KLHL6: variants seen among roughly 807,000 people sequenced by gnomAD.
The protein encoded by KLHL6 is kelch like family member 6.
A neutral mutation model predicts 58.6 loss-of-function variants in KLHL6; 41 were observed. The ratio of observed to expected loss-of-function variants is 0.70; its 90% confidence interval spans 0.55 to 0.91. The LOEUF (loss-of-function observed/expected upper bound fraction) is 0.91, where lower values mean the gene tolerates loss of function less well. Ranked by LOEUF, KLHL6 falls within the 40% of genes least tolerant of loss-of-function variation. The pLI, the probability that KLHL6 is intolerant of heterozygous loss-of-function variation, is 0.00. For missense variants in KLHL6, 714 were observed against 805.6 expected (o/e 0.89, Z 1.38); for synonymous variants, 338 against 322.7 (o/e 1.05, Z -0.51).
chr3:183,510,691 A>G (rs1007832058), intron 2 of KLHL6, among the ~76,000 whole-genome samples: 5 of 152,142 alleles, frequency 3.3e-5, no homozygotes, highest in Non-Finnish European at 5.9e-5. Context: ...CCTGACCAAC[A>G]TGGAGATACC....
At chr3:183,544,306 T>C (rs1195054345) in intron 1 of KLHL6, among the ~76,000 whole-genome samples, 1 of 151,900 alleles carries the variant, frequency 6.6e-6, no homozygotes, top group Non-Finnish European at 1.5e-5. Flanking sequence ...GTTGCCTAAG[T>C]GATACTTTTT....
chr3:183,547,342 G>T (rs1476130397), intron 1 of KLHL6, among the ~76,000 whole-genome samples: 1 of 152,186 alleles, frequency 6.6e-6, no homozygotes, highest in African/African-American at 2.4e-5. Context: ...AAAGAATTCT[G>T]AATGGCAAAG....
rs1195054912 is a variant in KLHL6, at chr3:183,527,948, T to A, written c.356A>T (p.Asp119Val). Residue 119 changes from aspartate (D) to valine (V), a missense_variant, in exon 2 of 7, where the codon GAT becomes GTT. Asp to Val is a radical substitution (Grantham distance 152). Around this residue, in one of 2 missense-constraint regions of KLHL6, gnomAD observed 204 missense variants for 175.9 expected, o/e 1.16. Coordinates refer to ENST00000341319, the MANE Select transcript of KLHL6 (RefSeq NM_130446.4). ...YEKRIIIKGV[D>V]AETMHTLLDY... ...CAACAGAGTGTGCATGGTCTCAGCA[T>A]CAACCCCTTTAATAATGATCCTTTT... 1.2e-6 allele frequency: 2 copies of A among 1,614,038 alleles called. No homozygotes were observed. The highest frequency in any genetic ancestry group is 1.7e-6 in the Non-Finnish European group (2 of 1,179,970).
At chr3:183,494,960 G>T (rs1717675180) in intron 4 of KLHL6, among the ~76,000 whole-genome samples, 1 of 152,198 alleles carries the variant, frequency 6.6e-6, no homozygotes, top group Non-Finnish European at 1.5e-5. Flanking sequence ...AAATTCAGCA[G>T]CTGGGGAAAG....
Position 183,505,392 on chromosome 3 carries a change from A to G in KLHL6, c.909+2667T>C, listed in dbSNP as rs1344982928. On this transcript the variant is annotated intron_variant, in intron 3 of 6. Transcript: ENST00000341319. ...TAAATACATGGGATGCTGTTTAAGT[A>G]GTTTTTAGGGGGAAATTTATAGCAT... 2.0e-5 allele frequency among the ~76,000 whole-genome samples: 3 copies of G among 152,260 alleles called. No individual in the cohort carries two copies. The East Asian group carries it at 5.8e-4, about 29-fold the overall frequency.
At chr3:183,544,312 T>C (rs1258268671) in intron 1 of KLHL6, among the ~76,000 whole-genome samples, 1 of 152,168 alleles carries the variant, frequency 6.6e-6, no homozygotes, top group Non-Finnish European at 1.5e-5. Context: ...TAAGTGATAC[T>C]TTTTCACAGC....
At chr3:183,497,570 A>AG (rs1286178461) in intron 4 of KLHL6, among the ~76,000 whole-genome samples, 2 of 152,178 alleles carry the variant, frequency 1.3e-5, no homozygotes, top group Admixed American at 6.5e-5. Context: ...TCATGTGGCT[A>AG]GTTTTTGCCA....
In KLHL6 at chr3:183,488,030, T is replaced by G. The variant is rs1374515369; in HGVS notation, c.*3897A>C. 1 of 152,248 alleles carries G rather than the reference T, an allele frequency of 6.6e-6. No individual in the cohort carries two copies. Among genetic ancestry groups the G allele is most frequent in the African/African-American group, 2.4e-5 (1 of 41,460 alleles). 9.4% of individuals were successfully genotyped at this position (152,248 alleles called of 1,614,324 possible). A position where few individuals can be genotyped will look rare whatever the true frequency, so the allele number is the denominator to read the frequency against. ...GCTATAAGAACGTGATATTTGTATT[T>G]CCCTGAGAGCGTAGTTTGCTTTGAG... On this transcript the variant is annotated 3_prime_UTR_variant, in exon 7 of 7. Transcript: ENST00000341319.
At chr3:183,502,402 T>C (rs1487268334) in intron 3 of KLHL6, among the ~76,000 whole-genome samples, 2 of 152,140 alleles carry the variant, frequency 1.3e-5, no homozygotes, top group African/African-American at 4.8e-5. Flanking sequence ...ATGGCCCCAG[T>C]GATCCCTGCT....
intron 2 of KLHL6, among the ~76,000 whole-genome samples, chr3:183,511,227 G>A (rs1718177092): frequency 6.6e-6 from 1 of 152,186 alleles, no homozygotes; most frequent in Non-Finnish European, 1.5e-5. Context: ...TCAAGGGGAG[G>A]TACTATGCCT....
intron 3 of KLHL6, among the ~76,000 whole-genome samples, chr3:183,500,590 G>A (rs532117840): frequency 1.3e-5 from 2 of 152,316 alleles, no homozygotes; most frequent in East Asian, 3.9e-4. Flanking sequence ...GCATTCATAA[G>A]GTATGAGGTA....
chr3:183,519,910 A>C (rs1056243855), intron 2 of KLHL6, among the ~76,000 whole-genome samples: 16 of 151,140 alleles, frequency 1.1e-4, no homozygotes, highest in Admixed American at 3.3e-4. Flanking sequence ...AAAAAAAAAA[A>C]AAAAAAACAA....
Position 183,492,802 on chromosome 3 carries a change from G to T in KLHL6, c.1351-95C>A. The T allele has an allele frequency of 8.8e-7, 1 of 1,134,956 alleles. No homozygotes were observed. The highest frequency in any genetic ancestry group is 1.4e-5 in the South Asian group (1 of 71,626). The allele number at this position is 1,134,956 out of a possible 1,614,324, so 70.3% of individuals were successfully genotyped here. ...ATACAGGACAGAGCTCCGGGACACA[G>T]AACTGGGCATCTTTTGCCTATAGTC... On this transcript the variant is annotated intron_variant, in intron 5 of 6. Coordinates refer to ENST00000341319, the MANE Select transcript of KLHL6 (RefSeq NM_130446.4). This position sits in a 1 kb window ranked among gnomAD's most constrained non-coding sequence, Gnocchi z 5.9.
intron 1 of KLHL6, among the ~76,000 whole-genome samples, chr3:183,529,413 C>T (rs1464335417): frequency 1.3e-5 from 2 of 152,096 alleles, no homozygotes; most frequent in South Asian, 2.1e-4. Flanking sequence ...AACTGTTGGT[C>T]CTTCCCAGGG....
chr3:183,503,172 T>A (rs1717915709), intron 3 of KLHL6, among the ~76,000 whole-genome samples: 1 of 152,274 alleles, frequency 6.6e-6, no homozygotes, highest in African/African-American at 2.4e-5. Context: ...CCTTAATGAC[T>A]GCTCACTGTC....
At chr3:183,554,155 T>G (rs1242381868) in intron 1 of KLHL6, among the ~76,000 whole-genome samples, 1 of 152,208 alleles carries the variant, frequency 6.6e-6, no homozygotes, top group Non-Finnish European at 1.5e-5. Context: ...CCTTGCAGGC[T>G]GGTTCCCCCA....
At position 183,508,284 on chromosome 3, in the gene KLHL6, G is replaced by A. The variant is rs16857707; in HGVS notation, c.684C>T (p.Tyr228=). 38,647 of 1,614,106 alleles carry A rather than the reference G, an allele frequency of 0.024. 3,199 individuals carry two copies. The highest frequency in any genetic ancestry group is 0.22 in the African/African-American group (16,541 of 74,994). ...LHHILKSDDL[Y]VTEEAQVFET... ...CAAACACCTGAGCCTCCTCGGTCACGTAAAGGTCATCACTCTTCAAGATGT... is the reference window on the plus strand; with the variant it reads ...CAAACACCTGAGCCTCCTCGGTCACATAAAGGTCATCACTCTTCAAGATGT... The change falls in exon 3 of 7, where the codon TAC becomes TAT. Residue 228 remains tyrosine (Y), a synonymous_variant. Coordinates refer to ENST00000341319, the MANE Select transcript of KLHL6 (RefSeq NM_130446.4).
intron 1 of KLHL6, among the ~76,000 whole-genome samples, chr3:183,534,462 G>A (rs888184088): frequency 1.9e-4 from 29 of 151,998 alleles, no homozygotes; most frequent in Middle Eastern, 3.4e-3. Context: ...GGAGTGCAGC[G>A]GCACGACCAC....
At chr3:183,534,768 A>G (rs1577198312) in intron 1 of KLHL6, among the ~76,000 whole-genome samples, 1 of 152,196 alleles carries the variant, frequency 6.6e-6, no homozygotes, top group South Asian at 2.1e-4. Flanking sequence ...TATTTAACCC[A>G]AAATATACCT....
Sources: gnomAD v4.1 joint callset for allele counts (sites outside exome capture counted in the v4.1 genomes callset) on GRCh38, gnomAD v4.1.1 for gene constraint, gnomAD v4.1.1 regional missense constraint, Gnocchi (gnomAD v3.1) non-coding constraint, MANE v1.5 for transcripts, NCBI Gene and HGNC (gene_info 2026-07-23, HGNC 2026-07-21) for gene names.